ZNF385A: variants seen among roughly 807,000 people sequenced by gnomAD.
The protein encoded by ZNF385A is hematopoietic zinc finger protein.
ZNF385A carries 14 observed loss-of-function variants against 32.1 expected under a neutral mutation model. The observed-to-expected ratio is 0.44, with a 90% confidence interval of 0.29 to 0.68. ZNF385A has a LOEUF of 0.68. ZNF385A is among the 30% of genes least tolerant of loss of function. The pLI is 0.14. For synonymous variants in ZNF385A, 197 were observed against 202.7 expected (o/e 0.97, Z 0.24); for missense variants, 406 against 478.4 (o/e 0.85, Z 1.41).
In ZNF385A at chr12:54,370,177, G is replaced by A. The variant is rs1261000587; in HGVS notation, c.*79C>T. 29 of 1,126,106 alleles carry A rather than the reference G, an allele frequency of 2.6e-5. No individual in the cohort carries two copies. The highest frequency in any genetic ancestry group is 3.2e-5 in the Non-Finnish European group (26 of 824,610). 69.8% of individuals were successfully genotyped at this position (1,126,106 alleles called of 1,614,324 possible). ...AGAGATCATTTAGGGAGTGCCGGGA[G>A]GAGGGGCGGGCTGGGAGCCCGGACG... On this transcript the variant is annotated 3_prime_UTR_variant, in exon 7 of 7. Coordinates refer to ENST00000394313, the MANE Select transcript of ZNF385A (RefSeq NM_015481.3). This position sits in a 1 kb window ranked among gnomAD's most constrained non-coding sequence, Gnocchi z 5.5.
intron 3 of ZNF385A, among the ~76,000 whole-genome samples, chr12:54,373,229 T>C (rs1954652364): frequency 6.6e-6 from 1 of 150,980 alleles, no homozygotes; most frequent in Admixed American, 6.6e-5. Flanking sequence ...TCATTCTTCT[T>C]AGGGTGGGGC....
In ZNF385A at chr12:54,370,369, G is replaced by A. The variant is rs1250834322; in HGVS notation, c.988C>T (p.Pro330Ser). 3 of 1,513,290 alleles carry A rather than the reference G, an allele frequency of 2.0e-6. No individual in the cohort carries two copies. The highest frequency in any genetic ancestry group is 1.8e-6 in the Non-Finnish European group (2 of 1,129,352). The allele number at this position is 1,513,290 out of a possible 1,614,324, so 93.7% of individuals were successfully genotyped here. A position where few individuals can be genotyped will look rare whatever the true frequency, so the allele number is the denominator to read the frequency against. ...TGGAGAAGAGGTGCGGCTGGAGCCGGGCGCAGGGACAGCGGCGAGCCTGCT... is the reference window on the plus strand; with the variant it reads ...TGGAGAAGAGGTGCGGCTGGAGCCGAGCGCAGGGACAGCGGCGAGCCTGCT... ...AAAGSPLSLR[P>S]APAAPLLQGP... The change falls in exon 7 of 7, where the codon CCG (proline) becomes TCG (serine). Residue 330 changes from proline to serine, a missense_variant. By Grantham distance (74) the Pro-to-Ser change is moderately conservative. Transcript: ENST00000394313. The surrounding 1 kb of genome is among the most constrained non-coding windows in gnomAD (Gnocchi z 5.5).
intron 4 of ZNF385A, 137 bp downstream of exon 4, chr12:54,371,336 G>T: frequency 8.1e-7 from 1 of 1,241,934 alleles, no homozygotes; most frequent in Non-Finnish European, 1.1e-6. Context: ...CAGGGGAGAT[G>T]GCTGGAGAAG....
intron 1 of ZNF385A, among the ~76,000 whole-genome samples, chr12:54,383,763 C>A (rs1335127507): frequency 1.3e-5 from 2 of 152,146 alleles, no homozygotes; most frequent in African/African-American, 4.8e-5. Flanking sequence ...GGTGTGGTGG[C>A]ACACGCCTGT....
At chr12:54,388,128 G>A (rs1466814978), upstream of ZNF385A, among the ~76,000 whole-genome samples, 5 of 151,800 alleles carry the variant, frequency 3.3e-5, no homozygotes, top group African/African-American at 9.7e-5. Flanking sequence ...GCCTGGCTGG[G>A]GCAGGCCACT....
upstream of ZNF385A, among the ~76,000 whole-genome samples, chr12:54,388,298 C>A (rs964958183): frequency 6.6e-6 from 1 of 152,198 alleles, no homozygotes; most frequent in Non-Finnish European, 1.5e-5. Flanking sequence ...ATTTTCACAT[C>A]CTACTTAGCC....
At chr12:54,382,267 G>C (rs868638172) in intron 1 of ZNF385A, among the ~76,000 whole-genome samples, 7 of 151,562 alleles carry the variant, frequency 4.6e-5, no homozygotes, top group Admixed American at 2.0e-4. Flanking sequence ...GTAGAGACGG[G>C]GTTTCACCAT....
rs759152682 is a variant in ZNF385A, at chr12:54,384,447, A to T, written c.68T>A (p.Leu23His). The change falls in exon 1 of 7, where the codon CTC (leucine) becomes CAC (histidine). Residue 23 changes from leucine to histidine, a missense_variant. Coordinates refer to ENST00000394313, the MANE Select transcript of ZNF385A (RefSeq NM_015481.3). ...ACTTACGGTGCTGTAGTTGCTGAAG[A>T]GGCCAAGGGTAGGGGCTGGCTCGAG... ...FPLEPAPTLG[L>H]FSNYSTMDPV... The T allele has an allele frequency of 3.8e-6, 6 of 1,592,622 alleles. No individual in the cohort carries two copies. In the East Asian group the frequency reaches 1.4e-4, roughly 36 times the overall value.
intron 1 of ZNF385A, chr12:54,381,456 C>G (rs988897309): frequency 6.6e-6 from 1 of 152,236 alleles, no homozygotes; most frequent in East Asian, 1.9e-4. Context: ...CTGCAGGAGT[C>G]GAAACCCTGG....
intron 1 of ZNF385A, among the ~76,000 whole-genome samples, chr12:54,380,554 C>CGCCA (rs1955099877): frequency 6.6e-6 from 1 of 151,964 alleles, no homozygotes; most frequent in Non-Finnish European, 1.5e-5. Flanking sequence ...TGATGCAGCC[C>CGCCA]GCCACACTCT....
rs777256033 is a variant in ZNF385A at position 54,371,603 on chromosome 12, C to T, written c.474G>A (p.Gly158=). Residue 158 remains glycine (G), a synonymous_variant, in exon 4 of 7, where the codon GGG becomes GGA. Transcript: ENST00000394313. The part of the protein sequence containing the change: ...ETGQGVTKGE[G]GTPAPASLPG... ...GCAAGGAAGCCGGGGCTGGAGTCCCCCCTTCACCCTTGGTTACACCCTGAC... is the reference window on the plus strand; with the variant it reads ...GCAAGGAAGCCGGGGCTGGAGTCCCTCCTTCACCCTTGGTTACACCCTGAC... 1 of 1,613,386 alleles carries T rather than the reference C, an allele frequency of 6.2e-7. No individual in the cohort carries two copies. The highest frequency in any genetic ancestry group is 1.1e-5 in the South Asian group (1 of 91,058).
chr12:54,375,660 T>C (rs1350691057), intron 2 of ZNF385A, among the ~76,000 whole-genome samples, 184 bp downstream of exon 2: 3 of 152,180 alleles, frequency 2.0e-5, no homozygotes. Context: ...CTTGTGTCTC[T>C]CCAGTGCCTT....
rs776557840 is a variant in ZNF385A at position 54,370,742 on chromosome 12, G to T, written c.775-21C>A. 24 of 1,578,262 alleles carry T rather than the reference G, an allele frequency of 1.5e-5. No homozygotes were observed. Among genetic ancestry groups the T allele is most frequent in the African/African-American group, 2.7e-5 (2 of 74,400 alleles). ...ATGTGCTGCGGGGGCCAGTGGATAG[G>T]GGGCTGTGAGCTCCCGGAAAGGGGC... is the stretch of plus-strand genomic sequence containing the variant. On this transcript the variant is annotated intron_variant, in intron 5 of 6. Transcript: ENST00000394313. The surrounding 1 kb of genome is among the most constrained non-coding windows in gnomAD (Gnocchi z 5.5).
upstream of ZNF385A, among the ~76,000 whole-genome samples, chr12:54,386,333 G>C (rs908339669): frequency 1.3e-5 from 2 of 152,142 alleles, no homozygotes; most frequent in African/African-American, 4.8e-5. Context: ...AGAGATGTCA[G>C]AGAGCGAAAT....
chr12:54,372,335 C>A (rs2700151), intron 3 of ZNF385A, among the ~76,000 whole-genome samples: 113,248 of 152,064 alleles, frequency 0.74, 42,760 homozygotes, highest in Middle Eastern at 0.9. Context: ...ATTCTTGCTC[C>A]AGCAGCTGAT....
intron 1 of ZNF385A, 86 bp from the exon 2 acceptor site, chr12:54,376,040 A>C: frequency 9.3e-7 from 1 of 1,078,038 alleles, no homozygotes; most frequent in Non-Finnish European, 1.4e-6. Context: ...TGTTGAACCA[A>C]GGTCCCCAGA....
chr12:54,383,918 G>A (rs568528178), intron 1 of ZNF385A, among the ~76,000 whole-genome samples: 2 of 152,180 alleles, frequency 1.3e-5, no homozygotes, highest in African/African-American at 2.4e-5. Context: ...ACAAACACAC[G>A]AATAGACAGC....
rs1450397837 is a variant in ZNF385A, at chr12:54,369,973, G to C, written c.*283C>G. 4.3e-5 allele frequency: 15 copies of C among 346,088 alleles called. 1 individual carries two copies. Among genetic ancestry groups the C allele is most frequent in the Admixed American group, 1.4e-4 (3 of 21,834 alleles). The allele number at this position is 346,088 out of a possible 1,614,324, so 21.4% of individuals were successfully genotyped here. ...GGCTGGATGGACATGGCTTTTGGGA[G>C]GGGGGGTGTCTCCAAGGGGGCTCGG... On this transcript the variant is annotated 3_prime_UTR_variant, in exon 7 of 7. Coordinates refer to ENST00000394313, the MANE Select transcript of ZNF385A (RefSeq NM_015481.3).
rs1419342917 is a variant in ZNF385A at position 54,371,649 on chromosome 12, G to A, written c.428C>T (p.Pro143Leu). ...SPEKQPGSPS[P>L]PSIPETGQGV... ...CTGACCAGTCTCCGGAATGCTGGGA[G>A]GGGATGGGGAGCCAGGCTGTTTCTC... The change falls in exon 4 of 7, where the codon CCT becomes CTT. Residue 143 changes from proline to leucine, a missense_variant. Physicochemically the swap from Pro to Leu is moderately conservative, Grantham distance 98 (BLOSUM62 -3). Transcript: ENST00000394313. 6.2e-7 allele frequency: 1 copy of A among 1,610,804 alleles called. No homozygotes were observed. The highest frequency in any genetic ancestry group is 8.5e-7 in the Non-Finnish European group (1 of 1,179,032).
Sources: allele counts gnomAD v4.1 joint callset (sites outside exome capture counted in the v4.1 genomes callset), GRCh38; gene constraint gnomAD v4.1.1; non-coding constraint Gnocchi (gnomAD v3.1); transcripts MANE v1.5; gene names NCBI Gene and HGNC (gene_info 2026-07-23, HGNC 2026-07-21).